The following SMARCA4 variants were observed in gnomAD, a reference collection of about 807,000 sequenced individuals.
SMARCA4 encodes the protein SWI/SNF related BAF chromatin remodeling complex subunit ATPase 4.
Under a neutral mutation model 193.9 loss-of-function variants are expected in SMARCA4, and 31 were observed. The ratio of observed to expected loss-of-function variants is 0.16; its 90% CI spans 0.12 to 0.22. The LOEUF (loss-of-function observed/expected upper bound fraction) is 0.22, where lower values mean the gene tolerates loss of function less well. Among genes scored for constraint, SMARCA4 ranks in the 10% least tolerant of loss-of-function variants. SMARCA4 has a pLI of 1.00. For missense variants in SMARCA4, 1,148 were observed against 2,296.0 expected (o/e 0.50, Z 10.22); for synonymous variants, 942 against 933.1 (o/e 1.01, Z -0.17).
At position 10,987,915 on chromosome 19, in the gene SMARCA4, G is replaced by A. The variant is rs878854197; in HGVS notation, c.1109G>A (p.Arg370His). ...GACCCTGTGGAGATCCTGCAGGAGCGCGAGTACAGGTGAGGGCGGGGCCCA... is the reference window on the plus strand; with the variant it reads ...GACCCTGTGGAGATCCTGCAGGAGCACGAGTACAGGTGAGGGCGGGGCCCA... ...GLDPVEILQEREYRLQARIAH... is the reference protein window; with the variant it reads ...GLDPVEILQEHEYRLQARIAH... The change falls in exon 6 of 35, where the codon CGC (arginine) becomes CAC (histidine). Residue 370 changes from arginine to histidine, a missense_variant. Transcript: ENST00000344626. This position sits in a 1 kb window ranked among gnomAD's most constrained non-coding sequence, Gnocchi z 5.3. 2.5e-6 allele frequency: 4 copies of A among 1,612,730 alleles called. No individual in the cohort carries two copies. Among genetic ancestry groups the A allele is most frequent in the Non-Finnish European group, 3.4e-6 (4 of 1,179,942 alleles).
intron 32 of SMARCA4, chr19:11,059,167 A>C: frequency 4.7e-6 from 2 of 427,758 alleles, no homozygotes; most frequent in Non-Finnish European, 8.6e-6. Flanking sequence ...GCAATTACAA[A>C]AGCAGTATGT....
chr19:10,971,348 A>C (rs912813905), intron 1 of SMARCA4, among the ~76,000 whole-genome samples: 1 of 152,174 alleles, frequency 6.6e-6, no homozygotes, highest in African/African-American at 2.4e-5. Flanking sequence ...CATGGTGCCC[A>C]TGTCACTACA....
rs541296138 is a variant in SMARCA4, at chr19:11,029,070, A to G, written c.3382+1120A>G. On this transcript the variant is annotated intron_variant, in intron 24 of 34. Coordinates refer to ENST00000344626, the MANE Select transcript of SMARCA4 (RefSeq NM_003072.5). ...GCAGGTCCTCCCCGGGGTTCTGTCC[A>G]GGACCACTCTACAGACACGAGTCTG... Among the ~76,000 whole-genome samples the G allele has an allele frequency of 1.8e-4, 27 of 152,304 alleles. 1 individual carries two copies. The East Asian group carries it at 5.0e-3, about 28-fold the overall frequency.
Position 10,987,661 on chromosome 19 carries a change from C to G in SMARCA4, c.860-5C>G. The G allele has an allele frequency of 6.2e-7, 1 of 1,613,114 alleles. No individual in the cohort carries two copies. Among genetic ancestry groups the G allele is most frequent in the Non-Finnish European group, 8.5e-7 (1 of 1,179,802 alleles). ...ATGACGCCCTGGCCCCTTGCCTTCT[C>G]CCAGGACCCATGGCGAATGCTGCTG... On this transcript the variant is annotated splice_polypyrimidine_tract_variant and splice_region_variant and intron_variant, in intron 5 of 34. Transcript: ENST00000344626. This position sits in a 1 kb window ranked among gnomAD's most constrained non-coding sequence, Gnocchi z 5.3.
chr19:10,992,232 C>T (rs894447470), intron 8 of SMARCA4, among the ~76,000 whole-genome samples: 1 of 151,578 alleles, frequency 6.6e-6, no homozygotes, highest in Non-Finnish European at 1.5e-5. Flanking sequence ...CTGCCTCAGC[C>T]TACCTAGTAG....
chr19:11,007,509 C>T (rs1197326935), intron 13 of SMARCA4, among the ~76,000 whole-genome samples: 2 of 149,108 alleles, frequency 1.3e-5, no homozygotes, highest in Admixed American at 6.7e-5. Context: ...GAGGCTGAGG[C>T]GAGAGGATTG....
At position 11,062,036 on chromosome 19, in the gene SMARCA4, A is replaced by AAG. The variant is rs888359387; in HGVS notation, c.*234_*235dup. On this transcript the variant is annotated 3_prime_UTR_variant, in exon 35 of 35. Coordinates refer to ENST00000344626, the MANE Select transcript of SMARCA4 (RefSeq NM_003072.5). ...ATCTGTAACAGCATTAACTGTCTTA[A>AAG]AGAGAGAGAGAGAGAATTCCGAATT... is the stretch of plus-strand genomic sequence containing the variant. 6 of 595,086 alleles carry AAG rather than the reference A, an allele frequency of 1.0e-5. No individual in the cohort carries two copies. Among genetic ancestry groups the AAG allele is most frequent in the South Asian group, 3.9e-5 (2 of 50,746 alleles). The allele number at this position is 595,086 out of a possible 1,614,324, so 36.9% of individuals were successfully genotyped here. A position where few individuals can be genotyped will look rare whatever the true frequency, so the allele number is the denominator to read the frequency against.
Position 10,986,423 on chromosome 19 carries a change from C to A in SMARCA4, c.590C>A (p.Pro197His). The A allele has an allele frequency of 6.3e-7, 1 of 1,576,942 alleles. No homozygotes were observed. Among genetic ancestry groups the A allele is most frequent in the Non-Finnish European group, 8.6e-7 (1 of 1,161,964 alleles). ...YKMLARGQPL[P>H]DHLQMAVQGK... is the part of the protein sequence containing the mutation. ...ATGCTGGCCAGGGGGCAGCCCCTCC[C>A]CGACCACCTGCAGATGGCGGTGCAG... is the stretch of plus-strand genomic sequence containing the variant. The change falls in exon 4 of 35, where the codon CCC becomes CAC. Residue 197 changes from proline to histidine, a missense_variant. Physicochemically the swap from Pro to His is moderately conservative, Grantham distance 77. Coordinates refer to ENST00000344626, the MANE Select transcript of SMARCA4 (RefSeq NM_003072.5). This position sits in a 1 kb window ranked among gnomAD's most constrained non-coding sequence, Gnocchi z 6.7.
chr19:10,963,667 C>T (rs1276613314), intron 1 of SMARCA4, among the ~76,000 whole-genome samples: 1 of 152,044 alleles, frequency 6.6e-6, no homozygotes, highest in African/African-American at 2.4e-5. Context: ...ACAGGTAGGA[C>T]GAGGATGCCC....
intron 11 of SMARCA4, among the ~76,000 whole-genome samples, chr19:11,002,307 G>A (rs1405904556): frequency 4.6e-5 from 7 of 151,720 alleles, no homozygotes; most frequent in African/African-American, 7.3e-5. Flanking sequence ...GTGAAACCCC[G>A]TCTCCACTAA....
intron 30 of SMARCA4, among the ~76,000 whole-genome samples, chr19:11,050,981 G>C (rs1004127868): frequency 1.3e-5 from 2 of 152,242 alleles, no homozygotes; most frequent in Admixed American, 6.5e-5. Flanking sequence ...TGAGCCCCAG[G>C]CATGCCCACT....
At chr19:11,061,204 A>AAAATATATAT (rs1555797070) in intron 34 of SMARCA4, among the ~76,000 whole-genome samples, 1 of 45,222 alleles carries the variant, frequency 2.2e-5, no homozygotes, top group African/African-American at 1.1e-4. Flanking sequence ...AAAAAAAAAA[A>AAAATATATAT]ATATATATAT....
At chr19:11,037,881 A>G (rs897565810) in intron 29 of SMARCA4, among the ~76,000 whole-genome samples, 4 of 152,230 alleles carry the variant, frequency 2.6e-5, no homozygotes, top group African/African-American at 9.6e-5. Context: ...TGTTGAAGAG[A>G]CTATTTTTTC....
chr19:11,057,158 CT>C (rs1168650895), intron 30 of SMARCA4, among the ~76,000 whole-genome samples: 1 of 152,258 alleles, frequency 6.6e-6, no homozygotes, highest in Non-Finnish European at 1.5e-5. Context: ...TGGCTAGGCC[CT>C]TCCTCTGGGC....
chr19:11,021,559 A>C (rs1329280580), intron 18 of SMARCA4, 166 bp from the exon 19 acceptor site: 1 of 835,706 alleles, frequency 1.2e-6, no homozygotes, highest in African/African-American at 1.7e-5. Context: ...TGTGGCTCCA[A>C]CTCGGTGAGT....
intron 16 of SMARCA4, among the ~76,000 whole-genome samples, chr19:11,013,887 G>A (rs546106077): frequency 3.3e-5 from 5 of 152,122 alleles, no homozygotes; most frequent in Admixed American, 6.6e-5. Flanking sequence ...TGGCTCCACC[G>A]GCCTTTTTCT....
chr19:10,998,584 A>G (rs1399566106), intron 11 of SMARCA4, among the ~76,000 whole-genome samples: 4 of 144,290 alleles, frequency 2.8e-5, no homozygotes, highest in Non-Finnish European at 3.0e-5. Flanking sequence ...TTCTTTCTGC[A>G]TTGATTTGTT....
intron 18 of SMARCA4, 128 bp from the exon 19 acceptor site, chr19:11,021,597 T>TGCTCTCCACCCAGCTGC (rs2089876650): frequency 8.3e-7 from 1 of 1,200,696 alleles, no homozygotes; most frequent in Non-Finnish European, 1.2e-6. Flanking sequence ...GTCAGGCCTG[T>TGCTCTCCACCCAGCTGC]GCTCTCCACC....
intron 30 of SMARCA4, among the ~76,000 whole-genome samples, chr19:11,057,320 C>A (rs921991348): frequency 2.0e-5 from 3 of 152,188 alleles, no homozygotes; most frequent in Admixed American, 6.5e-5. Flanking sequence ...GAGCTGGGAG[C>A]GCTGTGCACG....
Sources: allele counts gnomAD v4.1 joint callset (sites outside exome capture counted in the v4.1 genomes callset), GRCh38; gene constraint gnomAD v4.1.1; non-coding constraint Gnocchi (gnomAD v3.1); transcripts MANE v1.5; gene names NCBI Gene and HGNC (gene_info 2026-07-23, HGNC 2026-07-21).